Variants in RIMBP2 observed in about 807,000 individuals in gnomAD.
RIMBP2 encodes the protein RIMS-binding protein 2.
Under a neutral mutation model 118.6 loss-of-function variants are expected in RIMBP2, and 48 were observed. The ratio of observed to expected loss-of-function variants is 0.40; its 90% CI spans 0.32 to 0.51. The LOEUF is 0.51. RIMBP2 is among the 20% of genes least tolerant of loss of function. The pLI, the probability that RIMBP2 is intolerant of heterozygous loss-of-function variation, is 0.41. For synonymous variants in RIMBP2, 762 were observed against 742.9 expected, an observed-to-expected ratio of 1.03 and a Z score of -0.42; for missense variants, 1,551 against 1,768.3, an observed-to-expected ratio of 0.88 and a Z score of 2.20.
At chr12:130,443,560 G>A (rs1172747586) in intron 10 of RIMBP2, among the ~76,000 whole-genome samples, 1 of 152,188 alleles carries the variant, frequency 6.6e-6, no homozygotes, top group Non-Finnish European at 1.5e-5. Flanking sequence ...TGCCTCAGGG[G>A]AGCATGTGAT....
Position 130,670,834 on chromosome 12 carries a change from C to T in RIMBP2, c.-351-42378G>A, listed in dbSNP as rs368097098. 5.9e-5 allele frequency among the ~76,000 whole-genome samples: 9 copies of T among 152,260 alleles called. No individual in the cohort carries two copies. The highest frequency in any genetic ancestry group is 3.9e-4 in the East Asian group (2 of 5,174). On this transcript the variant is annotated intron_variant, in intron 1 of 22. Coordinates refer to ENST00000690449, the MANE Select transcript of RIMBP2 (RefSeq NM_001393629.1). This position sits in a 1 kb window ranked among gnomAD's most constrained non-coding sequence, Gnocchi z 4.9. ...TGTTGCCCAGGCTGGAGTGCAGTGG[C>T]GCAATCTCAGCTCACTGCAACCTCT... is the stretch of plus-strand genomic sequence containing the variant.
chr12:130,630,346 A>T (rs1442926322), intron 1 of RIMBP2, among the ~76,000 whole-genome samples: 1 of 151,776 alleles, frequency 6.6e-6, no homozygotes, highest in African/African-American at 2.4e-5. Flanking sequence ...TATAAAAAAT[A>T]TAAAAAGCAT....
At position 130,442,179 on chromosome 12, in the gene RIMBP2, C is replaced by T. The variant is rs566018988; in HGVS notation, c.1173G>A (p.Arg391=). ...YRISVQCVTS[R]GSSDELQCTL... ...TGCACTGCAGCTCATCCGAGCTGCC[C>T]CTGCTGGTGACGCACTGCACGGAGA... The change falls in exon 11 of 23, where the codon AGG becomes AGA. Residue 391 remains arginine, a synonymous_variant. Transcript: ENST00000690449. The surrounding 1 kb of genome is among the most constrained non-coding windows in gnomAD (Gnocchi z 6.9). 10 of 1,614,148 alleles carry T rather than the reference C, an allele frequency of 6.2e-6. No homozygotes were observed. The South Asian group carries it at 1.1e-4, about 18-fold the overall frequency.
At chr12:130,678,039 AC>A (rs2064582639) in intron 1 of RIMBP2, among the ~76,000 whole-genome samples, 1 of 152,200 alleles carries the variant, frequency 6.6e-6, no homozygotes, top group Non-Finnish European at 1.5e-5. Flanking sequence ...TCTTGGCAGA[AC>A]AAAGGACTGT....
chr12:130,441,522 G>C (rs542902645), intron 11 of RIMBP2, among the ~76,000 whole-genome samples: 1 of 152,174 alleles, frequency 6.6e-6, no homozygotes, highest in South Asian at 2.1e-4. Context: ...AACTCAGTGA[G>C]TATGTGTCCA....
chr12:130,437,927 CACACCAG>C (rs985418539), intron 12 of RIMBP2, among the ~76,000 whole-genome samples: 5 of 152,198 alleles, frequency 3.3e-5, no homozygotes, highest in African/African-American at 9.6e-5. Flanking sequence ...CTTGGTTCCC[CACACCAG>C]GCACCAGGGA....
intron 1 of RIMBP2, among the ~76,000 whole-genome samples, chr12:130,648,050 G>A (rs1042263815): frequency 7.8e-6 from 1 of 128,162 alleles, no homozygotes; most frequent in Non-Finnish European, 1.9e-5. Context: ...CCCGCCTCAC[G>A]TGGTACAGAA....
chr12:130,553,107 C>T (rs866520794), intron 2 of RIMBP2, among the ~76,000 whole-genome samples: 30 of 150,678 alleles, frequency 2.0e-4, no homozygotes, highest in Middle Eastern at 3.4e-3. Flanking sequence ...GAGCCGAGAT[C>T]GCACCACTGC....
chr12:130,713,687 C>T (rs1950127357), intron 1 of RIMBP2, among the ~76,000 whole-genome samples: 1 of 152,214 alleles, frequency 6.6e-6, no homozygotes, highest in African/African-American at 2.4e-5. Context: ...AGACGTTCAG[C>T]CGGCAAGTCT....
chr12:130,603,911 T>G (rs965691115), intron 2 of RIMBP2, among the ~76,000 whole-genome samples: 1 of 144,272 alleles, frequency 6.9e-6, no homozygotes, highest in African/African-American at 2.6e-5. Context: ...GCTCTACTTT[T>G]CTCATTAGAG....
intron 22 of RIMBP2, among the ~76,000 whole-genome samples, chr12:130,399,466 T>G (rs1217919245): frequency 1.3e-5 from 2 of 152,134 alleles, no homozygotes; most frequent in Non-Finnish European, 2.9e-5. Flanking sequence ...GATTGATTGA[T>G]TAGAATTGAA....
At chr12:130,589,462 A>G (rs921607494) in intron 2 of RIMBP2, among the ~76,000 whole-genome samples, 1 of 152,248 alleles carries the variant, frequency 6.6e-6, no homozygotes, top group African/African-American at 2.4e-5. Flanking sequence ...TTCTCCCAGG[A>G]GGCTGCTTTG....
intron 2 of RIMBP2, among the ~76,000 whole-genome samples, chr12:130,534,200 G>A (rs1438685389): frequency 7.1e-5 from 9 of 126,436 alleles, no homozygotes; most frequent in African/African-American, 2.6e-4. Context: ...AGAGTAGAAT[G>A]ATAGACACTG....
At chr12:130,536,490 A>G (rs1247383660) in intron 2 of RIMBP2, among the ~76,000 whole-genome samples, 1 of 152,138 alleles carries the variant, frequency 6.6e-6, no homozygotes, top group African/African-American at 2.4e-5. Context: ...AAAAAATTTC[A>G]CCGTCATACC....
At chr12:130,641,300 C>G (rs2062608113) in intron 1 of RIMBP2, among the ~76,000 whole-genome samples, 1 of 151,944 alleles carries the variant, frequency 6.6e-6, no homozygotes, top group Non-Finnish European at 1.5e-5. Flanking sequence ...CTCATGGTGA[C>G]TGCCGGACAC....
chr12:130,542,797 T>C (rs898841415), intron 2 of RIMBP2, among the ~76,000 whole-genome samples: 11 of 152,218 alleles, frequency 7.2e-5, no homozygotes, highest in Admixed American at 2.6e-4. Flanking sequence ...AAGTTTTCCA[T>C]GGCAAATGGG....
chr12:130,549,752 C>G (rs759056336), intron 2 of RIMBP2, among the ~76,000 whole-genome samples: 20 of 152,198 alleles, frequency 1.3e-4, no homozygotes, highest in Non-Finnish European at 2.6e-4. Flanking sequence ...TTTATCCAGT[C>G]TGTCACTGAT....
At chr12:130,484,892 T>C (rs2082351055) in intron 4 of RIMBP2, among the ~76,000 whole-genome samples, 1 of 152,230 alleles carries the variant, frequency 6.6e-6, no homozygotes. Flanking sequence ...TCCATGTTCT[T>C]CTTTTGGATT....
chr12:130,644,949 T>G (rs1475326063), intron 1 of RIMBP2, among the ~76,000 whole-genome samples: 1 of 152,220 alleles, frequency 6.6e-6, no homozygotes, highest in Non-Finnish European at 1.5e-5. Context: ...TTCTCCCAGT[T>G]GGGTCCGGGA....
Sources: gnomAD v4.1 joint callset for allele counts (sites outside exome capture counted in the v4.1 genomes callset) on GRCh38, gnomAD v4.1.1 for gene constraint, Gnocchi (gnomAD v3.1) non-coding constraint, MANE v1.5 for transcripts, NCBI Gene and HGNC (gene_info 2026-07-23, HGNC 2026-07-21) for gene names.